B4GALNT1: variants seen among roughly 807,000 people sequenced by gnomAD.
The protein encoded by B4GALNT1 is beta-1,4 N-acetylgalactosaminyltransferase 1.
Under a neutral mutation model 55.2 loss-of-function variants are expected in B4GALNT1, and 43 were observed. The ratio of observed to expected loss-of-function variants is 0.78; its 90% CI spans 0.61 to 1.00. The LOEUF (loss-of-function observed/expected upper bound fraction) is 1.00, where lower values mean the gene tolerates loss of function less well. B4GALNT1 is among the 50% of genes least tolerant of loss of function. The probability of loss-of-function intolerance (pLI) is 0.00; values close to 1 mark genes in which losing one functional copy is unlikely to be tolerated. For synonymous variants in B4GALNT1, 305 were observed against 311.6 expected (o/e 0.98, Z 0.22); for missense variants, 664 against 729.7 (o/e 0.91, Z 1.04).
In B4GALNT1 at chr12:57,632,806, G is replaced by C. The variant is rs555751322; in HGVS notation, c.-36C>G. 8.3e-4 allele frequency: 128 copies of C among 153,678 alleles called. No individual in the cohort carries two copies. The highest frequency in any genetic ancestry group is 1.6e-3 in the Non-Finnish European group (112 of 69,052). The allele number at this position is 153,678 out of a possible 1,614,324, so 9.5% of individuals were successfully genotyped here. On this transcript the variant is annotated 5_prime_UTR_variant, in exon 1 of 11. Coordinates refer to ENST00000341156, the MANE Select transcript of B4GALNT1 (RefSeq NM_001478.5). ...GCTCTAAGGCAGCGGCAAAATTTCGGTCCGGGCTGTGCCGGGCTCTCGCCC... is the reference window on the plus strand; with the variant it reads ...GCTCTAAGGCAGCGGCAAAATTTCGCTCCGGGCTGTGCCGGGCTCTCGCCC...
rs1885042718 is a variant in B4GALNT1 at position 57,629,142 on chromosome 12, C to A, written c.717G>T (p.Arg239=). The part of the protein sequence containing the change: ...SYQTNTADTV[R]FSTEGHEAAF... Reference sequence around the variant, plus strand: ...CAGCCTCATGTCCCTCGGTGGAGAACCGGACTGGGAAGAAAGGACATGGCA... The same window carrying A: ...CAGCCTCATGTCCCTCGGTGGAGAAACGGACTGGGAAGAAAGGACATGGCA... The change falls in exon 7 of 11, where the codon CGG becomes CGT. Residue 239 remains arginine (R), a synonymous_variant. Coordinates refer to ENST00000341156, the MANE Select transcript of B4GALNT1 (RefSeq NM_001478.5). The A allele has an allele frequency of 6.3e-7, 1 of 1,588,634 alleles. No individual in the cohort carries two copies.
chr12:57,631,544 C>T (rs1245178254), intron 2 of B4GALNT1, among the ~76,000 whole-genome samples, 180 bp from the exon 3 acceptor site: 2 of 152,148 alleles, frequency 1.3e-5, no homozygotes, highest in African/African-American at 4.8e-5. Flanking sequence ...GATGACCTAT[C>T]CCCTAAATCT....
In B4GALNT1 at chr12:57,626,738, G is replaced by A. The variant is rs776432412; in HGVS notation, c.*6C>T. ...AGCCTGACAGTCAGAAATCCCCAGC[G>A]GGCCATCACTGGGAGGTCATGCACT... On this transcript the variant is annotated 3_prime_UTR_variant, in exon 11 of 11. Coordinates refer to ENST00000341156, the MANE Select transcript of B4GALNT1 (RefSeq NM_001478.5). 21 of 1,613,892 alleles carry A rather than the reference G, an allele frequency of 1.3e-5. No homozygotes were observed. Among genetic ancestry groups the A allele is most frequent in the African/African-American group, 8.0e-5 (6 of 74,940 alleles).
Position 57,632,108 on chromosome 12 carries a change from A to C in B4GALNT1, c.25T>G (p.Cys9Gly). The C allele has an allele frequency of 6.7e-7, 1 of 1,492,226 alleles. No individual in the cohort carries two copies. The highest frequency in any genetic ancestry group is 8.9e-7 in the Non-Finnish European group (1 of 1,120,084). 92.4% of individuals were successfully genotyped at this position (1,492,226 alleles called of 1,614,324 possible). The change falls in exon 2 of 11, where the codon TGC (cysteine) becomes GGC (glycine). Residue 9 changes from cysteine to glycine, a missense_variant. Coordinates refer to ENST00000341156, the MANE Select transcript of B4GALNT1 (RefSeq NM_001478.5). ...CAGGCGAGCAGAAGGACCAGAGCGC[A>C]CAGGGCCCGGCGGCCCAGCCACATC... is the stretch of plus-strand genomic sequence containing the variant. The part of the protein sequence containing the change: MWLGRRAL[C>G]ALVLLLACAS...
chr12:57,632,375 C>T (rs1199809109), intron 1 of B4GALNT1: 1 of 666,900 alleles, frequency 1.5e-6, no homozygotes, highest in Non-Finnish European at 2.7e-6. Flanking sequence ...TCGGTTTCCT[C>T]ACACACCCGA....
chr12:57,629,083 G>A lies in B4GALNT1; in HGVS notation c.776C>T (p.Pro259Leu). ...TAGAGACCCAGGTGGGTACAGCCGAGGGTTGGGCGGGTGTCTTATGCGGAT... is the reference window on the plus strand; with the variant it reads ...TAGAGACCCAGGTGGGTACAGCCGAAGGTTGGGCGGGTGTCTTATGCGGAT... ...FTIRIRHPPN[P>L]RLYPPGSLPQ... The change falls in exon 7 of 11, where the codon CCT (proline) becomes CTT (leucine). Residue 259 changes from proline to leucine, a missense_variant. Pro to Leu is a moderately conservative substitution (Grantham distance 98). Coordinates refer to ENST00000341156, the MANE Select transcript of B4GALNT1 (RefSeq NM_001478.5). The A allele has an allele frequency of 6.3e-7, 1 of 1,596,918 alleles. No individual in the cohort carries two copies. The highest frequency in any genetic ancestry group is 2.2e-5 in the East Asian group (1 of 44,496).
rs764035610 is a variant in B4GALNT1 at position 57,631,942 on chromosome 12, G to C, written c.191C>G (p.Pro64Arg). The change falls in exon 2 of 11, where the codon CCG (proline) becomes CGG (arginine). Residue 64 changes from proline (P) to arginine (R), a missense_variant. Coordinates refer to ENST00000341156, the MANE Select transcript of B4GALNT1 (RefSeq NM_001478.5). Reference sequence around the variant, plus strand: ...CACTACTTGCTCCTTGATCCTGACCGGGATGTGTGCGTAGCGGGGCTCAGG... The same window carrying C: ...CACTACTTGCTCCTTGATCCTGACCCGGATGTGTGCGTAGCGGGGCTCAGG... ...LAPEPRYAHI[P>R]VRIKEQVVGL... 1.8e-5 allele frequency: 26 copies of C among 1,445,578 alleles called. No homozygotes were observed. The highest frequency in any genetic ancestry group is 5.6e-5 in the Admixed American group (2 of 36,034). 89.5% of individuals were successfully genotyped at this position (1,445,578 alleles called of 1,614,324 possible).
chr12:57,628,455 G>T, intron 8 of B4GALNT1, 193 bp from the exon 9 acceptor site: 1 of 903,410 alleles, frequency 1.1e-6, no homozygotes, highest in Non-Finnish European at 1.6e-6. Context: ...CTTAGAATGC[G>T]TTTAATTTCC....
chr12:57,627,372 C>A (rs1422144312), intron 10 of B4GALNT1, among the ~76,000 whole-genome samples: 2 of 150,984 alleles, frequency 1.3e-5, no homozygotes, highest in African/African-American at 2.4e-5. Flanking sequence ...TGCACATGTA[C>A]CCTAGAACTT....
At position 57,625,111 on chromosome 12, in the gene B4GALNT1, C is replaced by A. The variant is rs1208773873; in HGVS notation, c.*1633G>T. ...TGTTTCGGGAGTGGTGACTGCCCTTCTTTACTTATAGGAGACTTCAAAGCC... is the reference window on the plus strand; with the variant it reads ...TGTTTCGGGAGTGGTGACTGCCCTTATTTACTTATAGGAGACTTCAAAGCC... On this transcript the variant is annotated 3_prime_UTR_variant, in exon 11 of 11. Transcript: ENST00000341156. 6.2e-7 allele frequency: 1 copy of A among 1,613,924 alleles called. No individual in the cohort carries two copies. Among genetic ancestry groups the A allele is most frequent in the Non-Finnish European group, 8.5e-7 (1 of 1,179,974 alleles).
intron 8 of B4GALNT1, 200 bp downstream of exon 8, chr12:57,628,513 A>G: frequency 1.2e-6 from 1 of 802,792 alleles, no homozygotes; most frequent in Non-Finnish European, 1.9e-6. Context: ...GAATGCCATT[A>G]GGCACTAAGC....
At position 57,625,037 on chromosome 12, in the gene B4GALNT1, G is replaced by T; in HGVS notation, c.*1707C>A. On this transcript the variant is annotated 3_prime_UTR_variant, in exon 11 of 11. Transcript: ENST00000341156. ...GATCCTCAGGGAGTGGGAGGCAGGT[G>T]GGTGTTCTGAGGGGGATCCTTGTGC... The T allele has an allele frequency of 6.2e-7, 1 of 1,613,054 alleles. No individual in the cohort carries two copies. The highest frequency in any genetic ancestry group is 8.5e-7 in the Non-Finnish European group (1 of 1,179,010).
At chr12:57,629,779 T>G in intron 6 of B4GALNT1, 1 of 1,437,284 alleles carries the variant, frequency 7.0e-7, no homozygotes, top group Non-Finnish European at 9.1e-7. Flanking sequence ...AAAGAGGGCT[T>G]TTAGGCCTCT....
chr12:57,627,505 G>T, intron 10 of B4GALNT1, 113 bp downstream of exon 10: 1 of 1,370,916 alleles, frequency 7.3e-7, no homozygotes, highest in Non-Finnish European at 9.7e-7. Flanking sequence ...AACTGTTCTG[G>T]GGTTCCCGCT....
Position 57,627,023 on chromosome 12 carries a change from G to A in B4GALNT1, c.1385-62C>T, listed in dbSNP as rs1884859641. ...AGGGTGCAGAAGGCCGACTGGTAAG[G>A]GAGAACTCTCAAATTTAGGGTGTGG... On this transcript the variant is annotated intron_variant, in intron 10 of 10. Transcript: ENST00000341156. The A allele has an allele frequency of 2.1e-6, 3 of 1,414,740 alleles. No individual in the cohort carries two copies. The East Asian group carries it at 7.3e-5, about 35-fold the overall frequency. The allele number at this position is 1,414,740 out of a possible 1,614,324, so 87.6% of individuals were successfully genotyped here.
Position 57,624,642 on chromosome 12 carries a change from A to G in B4GALNT1, c.*2102T>C. The stretch of plus-strand genomic sequence containing the variant: ...AGATGAGTGGAGTTGAGGTCGGGGC[A>G]GGGGAAGAGAATGAGGTGCTTGGGG... On this transcript the variant is annotated 3_prime_UTR_variant, in exon 11 of 11. Coordinates refer to ENST00000341156, the MANE Select transcript of B4GALNT1 (RefSeq NM_001478.5). The G allele has an allele frequency of 1.4e-6, 1 of 718,964 alleles. No individual in the cohort carries two copies. The highest frequency in any genetic ancestry group is 2.6e-6 in the Non-Finnish European group (1 of 381,994). The allele number at this position is 718,964 out of a possible 1,614,324, so 44.5% of individuals were successfully genotyped here. A position where few individuals can be genotyped will look rare whatever the true frequency, so the allele number is the denominator to read the frequency against.
chr12:57,630,920 A>G (rs1885159466), intron 4 of B4GALNT1, 60 bp downstream of exon 4: 5 of 1,489,418 alleles, frequency 3.4e-6, no homozygotes, highest in African/African-American at 2.8e-5. Flanking sequence ...TCCCCACCCA[A>G]CCTTGGGCTC....
chr12:57,624,132 C>G lies in B4GALNT1; in HGVS notation c.*2612G>C, dbSNP rs370384752. On this transcript the variant is annotated 3_prime_UTR_variant, in exon 11 of 11. Transcript: ENST00000341156. ...TGCCATTACCCCCAGATTGCCCCCT[C>G]TCATCTTGTTAGCATCCCCAGCCTC... The G allele has an allele frequency of 2.5e-6, 4 of 1,604,744 alleles. No homozygotes were observed. Among genetic ancestry groups the G allele is most frequent in the African/African-American group, 1.3e-5 (1 of 74,658 alleles).
chr12:57,629,311 A>G (rs1885051359), intron 6 of B4GALNT1, 165 bp from the exon 7 acceptor site: 1 of 529,992 alleles, frequency 1.9e-6, no homozygotes, highest in Admixed American at 3.7e-5. Context: ...TGGGTAGGAG[A>G]AAAAACAACA....
Sources: gnomAD v4.1 joint callset for allele counts (sites outside exome capture counted in the v4.1 genomes callset) on GRCh38, gnomAD v4.1.1 for gene constraint, MANE v1.5 for transcripts, NCBI Gene and HGNC (gene_info 2026-07-23, HGNC 2026-07-21) for gene names.